CACNG2: variants seen among roughly 807,000 people sequenced by gnomAD.
The protein encoded by CACNG2 is calcium voltage-gated channel auxiliary subunit gamma 2, also known as voltage-dependent calcium channel gamma-2 subunit.
A neutral mutation model predicts 25.9 loss-of-function variants in CACNG2; 3 were observed. The ratio of observed to expected loss-of-function variants is 0.12; its 90% CI spans 0.05 to 0.30. The LOEUF (loss-of-function observed/expected upper bound fraction) is 0.30, where lower values mean the gene tolerates loss of function less well. Among genes scored for constraint, CACNG2 ranks in the 10% least tolerant of loss-of-function variants. The pLI is 1.00. For missense variants in CACNG2, 341 were observed against 432.5 expected (o/e 0.79, Z 1.88); for synonymous variants, 167 against 173.3 (o/e 0.96, Z 0.29).
chr22:36,601,894 A>G (rs1935759165), intron 1 of CACNG2, among the ~76,000 whole-genome samples: 1 of 152,098 alleles, frequency 6.6e-6, no homozygotes, highest in Non-Finnish European at 1.5e-5. Context: ...AGGAAACTCC[A>G]TACTATTTTC....
At chr22:36,642,314 T>G (rs142699430) in intron 1 of CACNG2, among the ~76,000 whole-genome samples, 185 of 152,362 alleles carry the variant, frequency 1.2e-3, no homozygotes, top group African/African-American at 4.3e-3. Flanking sequence ...CTGTGTTAGC[T>G]GCTGTGCTCT....
Position 36,564,640 on chromosome 22 carries a change from C to T in CACNG2, c.683G>A (p.Ser228Asn). 1.2e-6 allele frequency: 2 copies of T among 1,613,864 alleles called. No individual in the cohort carries two copies. The highest frequency in any genetic ancestry group is 1.1e-5 in the South Asian group (1 of 91,076). ...LQASAITRIP[S>N]YRYRYQRRSR... ...GCGGCGCTGGTAGCGGTAGCGGTAGCTGGGGATGCGGGTGATGGCAGAGGC... is the reference window on the plus strand; with the variant it reads ...GCGGCGCTGGTAGCGGTAGCGGTAGTTGGGGATGCGGGTGATGGCAGAGGC... The change falls in exon 4 of 4, where the codon AGC becomes AAC. Residue 228 changes from serine to asparagine, a missense_variant. This residue lies in a region of CACNG2 where 172 missense variants were observed against 178.1 expected (regional missense o/e 0.97). Coordinates refer to ENST00000300105, the MANE Select transcript of CACNG2 (RefSeq NM_006078.5). The surrounding 1 kb of genome is among the most constrained non-coding windows in gnomAD (Gnocchi z 6.7).
chr22:36,631,744 T>TTA (rs1425351002), intron 1 of CACNG2, among the ~76,000 whole-genome samples: 26 of 151,828 alleles, frequency 1.7e-4, no homozygotes, highest in Non-Finnish European at 2.8e-4. Context: ...ACTCTTTTTT[T>TTA]TTTTTTTTTT....
rs1175103697 is a variant in CACNG2, at chr22:36,564,342, C to CT, written c.*8_*9insA. ...TCCTCCCGCGGTCTTCTGGCGAGGCCCGCGGTCTTTATACGGGGGTGGTCC... is the reference window on the plus strand; with the variant it reads ...TCCTCCCGCGGTCTTCTGGCGAGGCCTCGCGGTCTTTATACGGGGGTGGTCC... On this transcript the variant is annotated 3_prime_UTR_variant, in exon 4 of 4. Coordinates refer to ENST00000300105, the MANE Select transcript of CACNG2 (RefSeq NM_006078.5). This position sits in a 1 kb window ranked among gnomAD's most constrained non-coding sequence, Gnocchi z 6.7. The CT allele has an allele frequency of 6.2e-7, 1 of 1,610,804 alleles. No homozygotes were observed. The highest frequency in any genetic ancestry group is 1.1e-5 in the South Asian group (1 of 90,620).
intron 1 of CACNG2, among the ~76,000 whole-genome samples, chr22:36,644,095 G>GA (rs1039290118): frequency 1.1e-4 from 16 of 151,618 alleles, no homozygotes; most frequent in African/African-American, 3.2e-4. Context: ...GGGATTTGGG[G>GA]AAAAAAAAGA....
At chr22:36,595,486 C>T (rs1935665723) in intron 1 of CACNG2, among the ~76,000 whole-genome samples, 1 of 152,200 alleles carries the variant, frequency 6.6e-6, no homozygotes, top group East Asian at 1.9e-4. Context: ...TAAACATGTA[C>T]CAGCACACCA....
chr22:36,616,087 C>T (rs563334990), intron 1 of CACNG2, among the ~76,000 whole-genome samples: 12 of 152,304 alleles, frequency 7.9e-5, no homozygotes, highest in Non-Finnish European at 1.0e-4. Context: ...CTCCAGATCT[C>T]GTGTCCCTTG....
chr22:36,621,859 A>C (rs1040748152), intron 1 of CACNG2, among the ~76,000 whole-genome samples: 51 of 152,304 alleles, frequency 3.3e-4, no homozygotes, highest in African/African-American at 1.2e-3. Flanking sequence ...TAAAAAGACA[A>C]CAGGATCTTC....
intron 1 of CACNG2, among the ~76,000 whole-genome samples, chr22:36,643,474 G>GTCTA (rs66945856): frequency 0.083 from 12,416 of 148,890 alleles, 597 homozygotes; most frequent in Middle Eastern, 0.13. Flanking sequence ...CTATCTGTCT[G>GTCTA]TCTATCTATC....
intron 1 of CACNG2, among the ~76,000 whole-genome samples, chr22:36,604,934 C>T (rs1038012362): frequency 4.6e-5 from 7 of 152,068 alleles, no homozygotes; most frequent in Non-Finnish European, 7.3e-5. Context: ...TGTGTCACCA[C>T]GACTGGCTGA....
chr22:36,591,761 A>G (rs969098009), intron 1 of CACNG2, among the ~76,000 whole-genome samples: 2 of 152,090 alleles, frequency 1.3e-5, no homozygotes, highest in Non-Finnish European at 2.9e-5. Context: ...GCACTGTGCA[A>G]GGAGATGAGG....
chr22:36,592,537 G>A (rs2283984), intron 1 of CACNG2, among the ~76,000 whole-genome samples: 101,653 of 151,988 alleles, frequency 0.67, 34,262 homozygotes, highest in South Asian at 0.73. Context: ...ATTCGCTGTT[G>A]TTTTCTATAT....
In CACNG2 at chr22:36,567,516, G is replaced by A. The variant is rs549328023; in HGVS notation, c.296-1023C>T. On this transcript the variant is annotated intron_variant, in intron 2 of 3. Coordinates refer to ENST00000300105, the MANE Select transcript of CACNG2 (RefSeq NM_006078.5). The stretch of plus-strand genomic sequence containing the variant: ...TAGATAAGGACTGACAAACAGGACC[G>A]GAGAAGAAAAGAATATGGTAATGAA... Among the ~76,000 whole-genome samples, 272 of 152,060 alleles carry A rather than the reference G, an allele frequency of 1.8e-3. 2 individuals are homozygous for A. The highest frequency in any genetic ancestry group is 6.2e-3 in the African/African-American group (259 of 41,450).
In CACNG2 at chr22:36,566,491, C is replaced by A. The variant is rs1935129350; in HGVS notation, c.298G>T (p.Ala100Ser). ...EADTAEYFLR[A>S]VRASSIFPIL... ...GGGAAAATGCTGGAGGCCCTCACGG[C>A]CCCTGTGGAACACAGAGGGTCAGGG... The change falls in exon 3 of 4, where the codon GCC becomes TCC. Residue 100 changes from alanine to serine, a missense_variant and splice_region_variant. This residue lies in a region of CACNG2 where 169 missense variants were observed against 254.4 expected (regional missense o/e 0.66). Transcript: ENST00000300105. 1 of 1,614,062 alleles carries A rather than the reference C, an allele frequency of 6.2e-7. No homozygotes were observed. Among genetic ancestry groups the A allele is most frequent in the Non-Finnish European group, 8.5e-7 (1 of 1,180,020 alleles).
chr22:36,595,493 A>G (rs1472436710), intron 1 of CACNG2, among the ~76,000 whole-genome samples: 1 of 152,194 alleles, frequency 6.6e-6, no homozygotes, highest in Non-Finnish European at 1.5e-5. Flanking sequence ...GTACCAGCAC[A>G]CCACTGGATG....
At chr22:36,699,105 T>C (rs947256684) in intron 1 of CACNG2, among the ~76,000 whole-genome samples, 24 of 152,132 alleles carry the variant, frequency 1.6e-4, no homozygotes, top group African/African-American at 5.6e-4. Flanking sequence ...CAGAGACTCT[T>C]AATTCAGCTT....
intron 1 of CACNG2, among the ~76,000 whole-genome samples, chr22:36,607,464 C>A (rs1377893313): frequency 1.3e-5 from 2 of 152,168 alleles, no homozygotes; most frequent in Non-Finnish European, 2.9e-5. Flanking sequence ...TCACGTTTCC[C>A]AGGCTGGGCT....
At chr22:36,679,193 CCTTCCTTTCTTTCTTT>C (rs1450171355) in intron 1 of CACNG2, among the ~76,000 whole-genome samples, 147 of 49,238 alleles carry the variant, frequency 3.0e-3, no homozygotes, top group African/African-American at 0.011. Context: ...TTCCTTCCTT[CCTTCCTTTCTTTCTTT>C]CTTTCTTTCT....
At chr22:36,583,597 C>T (rs534149980) in intron 2 of CACNG2, among the ~76,000 whole-genome samples, 1 of 152,278 alleles carries the variant, frequency 6.6e-6, no homozygotes, top group South Asian at 2.1e-4. Context: ...ACTTCCGTCC[C>T]TATCCTGAAA....
Sources: gnomAD v4.1 joint callset for allele counts (sites outside exome capture counted in the v4.1 genomes callset) on GRCh38, gnomAD v4.1.1 for gene constraint, gnomAD v4.1.1 regional missense constraint, Gnocchi (gnomAD v3.1) non-coding constraint, MANE v1.5 for transcripts, NCBI Gene and HGNC (gene_info 2026-07-23, HGNC 2026-07-21) for gene names.